GABPB1: variants seen among roughly 807,000 people sequenced by gnomAD.
GABPB1 encodes the protein GA binding protein transcription factor subunit beta 1.
Under a neutral mutation model 45.9 loss-of-function variants are expected in GABPB1, and 15 were observed. The ratio of observed to expected loss-of-function variants is 0.33; its 90% confidence interval spans 0.22 to 0.50. The LOEUF is 0.50. GABPB1 is among the 20% of genes least tolerant of loss of function. The pLI, the probability that GABPB1 is intolerant of heterozygous loss-of-function variation, is 0.98. For missense variants in GABPB1, 252 were observed against 457.5 expected (o/e 0.55, Z 4.10); for synonymous variants, 143 against 154.4 (o/e 0.93, Z 0.55).
At chr15:50,354,572 T>C (rs1373330790) in intron 1 of GABPB1, 5 of 448,680 alleles carry the variant, frequency 1.1e-5, no homozygotes, top group Non-Finnish European at 2.2e-5. Flanking sequence ...CCTTCCTCTT[T>C]CTCCCGCCCA....
intron 1 of GABPB1, among the ~76,000 whole-genome samples, chr15:50,321,286 T>C (rs545666415): frequency 1.1e-4 from 17 of 152,268 alleles, no homozygotes; most frequent in African/African-American, 4.1e-4. Flanking sequence ...ACTCCCACTA[T>C]CAGTGTACAA....
chr15:50,314,221 T>C (rs1409923509), intron 1 of GABPB1, among the ~76,000 whole-genome samples: 1 of 151,960 alleles, frequency 6.6e-6, no homozygotes, highest in Non-Finnish European at 1.5e-5. Context: ...TCTCGCTCTG[T>C]TGCCCAGGCT....
intron 1 of GABPB1, chr15:50,354,366 G>A: frequency 2.2e-6 from 1 of 451,312 alleles, no homozygotes; most frequent in East Asian, 7.3e-5. Context: ...CGCGGGACTG[G>A]CCAGGCTCTT....
intron 1 of GABPB1, chr15:50,354,266 GGGGCA>G: frequency 2.7e-6 from 1 of 370,236 alleles, no homozygotes. Context: ...CGAAGTCTTT[GGGGCA>G]GAAGTCCCGA....
chr15:50,287,819 A>ATCAGCAGAAGATT (rs1476938008), intron 7 of GABPB1, among the ~76,000 whole-genome samples: 1 of 152,224 alleles, frequency 6.6e-6, no homozygotes, highest in Non-Finnish European at 1.5e-5. Flanking sequence ...CAGACCAGCT[A>ATCAGCAGAAGATT]TCAGCAGAAG....
At chr15:50,290,665 T>C (rs2046315646) in intron 6 of GABPB1, among the ~76,000 whole-genome samples, 1 of 152,154 alleles carries the variant, frequency 6.6e-6, no homozygotes, top group African/African-American at 2.4e-5. Flanking sequence ...TATGTGTGAG[T>C]TGACATACAG....
At position 50,354,495 on chromosome 15, in the gene GABPB1, G is replaced by A. The variant is rs577762378; in HGVS notation, c.-1+490C>T. ...CCCGTTCCCCTCTCCGGAGAGCCCG[G>A]CGGGGCCGTCAGGCTGCCGAGACAA... On this transcript the variant is annotated intron_variant, in intron 1 of 8. Coordinates refer to ENST00000380877, the MANE Select transcript of GABPB1 (RefSeq NM_016654.5). The A allele has an allele frequency of 2.0e-4, 90 of 449,032 alleles. 1 individual carries two copies. The highest frequency in any genetic ancestry group is 1.8e-3 in the African/African-American group (89 of 48,390). The allele number at this position is 449,032 out of a possible 1,614,324, so 27.8% of individuals were successfully genotyped here.
intron 1 of GABPB1, among the ~76,000 whole-genome samples, chr15:50,318,484 C>T: frequency 6.6e-6 from 1 of 151,846 alleles, no homozygotes; most frequent in East Asian, 1.9e-4. Context: ...TCCCATATAC[C>T]CCTTTTTCAG....
At chr15:50,336,545 T>A (rs1407607410) in intron 1 of GABPB1, among the ~76,000 whole-genome samples, 1 of 151,714 alleles carries the variant, frequency 6.6e-6, no homozygotes, top group Non-Finnish European at 1.5e-5. Context: ...TAGCCAGGCA[T>A]GGTGGCACAC....
At chr15:50,337,952 T>C (rs1355182357) in intron 1 of GABPB1, among the ~76,000 whole-genome samples, 2 of 152,178 alleles carry the variant, frequency 1.3e-5, no homozygotes, top group Non-Finnish European at 2.9e-5. Context: ...GTAGTATGGA[T>C]AAATGAGAAC....
intron 1 of GABPB1, chr15:50,354,462 C>T (rs537925296): frequency 6.0e-5 from 27 of 446,630 alleles, no homozygotes; most frequent in African/African-American, 5.4e-4. Context: ...GACCCGCCAC[C>T]CTCGCCGCCC....
intron 7 of GABPB1, among the ~76,000 whole-genome samples, chr15:50,288,358 C>G (rs1250833869): frequency 6.6e-6 from 1 of 152,148 alleles, no homozygotes; most frequent in Non-Finnish European, 1.5e-5. Context: ...ACTACTAGCC[C>G]TAGTCATTTT....
At chr15:50,285,955 G>T in intron 8 of GABPB1, 113 bp downstream of exon 8, 1 of 1,454,660 alleles carries the variant, frequency 6.9e-7, no homozygotes, top group Non-Finnish European at 9.1e-7. Flanking sequence ...AAAATACTAC[G>T]CACTTTCATT....
rs2045838184 is a variant in GABPB1 at position 50,276,293 on chromosome 15, C to T, written c.*2339G>A. ...AGCACTATTGAGAATGACTAGAATG[C>T]AAAGCTTTTACAGCCCACCTGAAAA... On this transcript the variant is annotated 3_prime_UTR_variant, in exon 9 of 9. Transcript: ENST00000380877. 6.6e-6 allele frequency: 1 copy of T among 152,150 alleles called. No homozygotes were observed. Among genetic ancestry groups the T allele is most frequent in the Non-Finnish European group, 1.5e-5 (1 of 68,036 alleles). The allele number at this position is 152,150 out of a possible 1,614,324, so 9.4% of individuals were successfully genotyped here.
At chr15:50,345,804 C>T (rs1194273693) in intron 1 of GABPB1, among the ~76,000 whole-genome samples, 1 of 151,946 alleles carries the variant, frequency 6.6e-6, no homozygotes, top group Non-Finnish European at 1.5e-5. Context: ...CTCCGCCTCC[C>T]GGGTACACGC....
chr15:50,342,526 C>T (rs2048414210), intron 1 of GABPB1, among the ~76,000 whole-genome samples: 1 of 152,186 alleles, frequency 6.6e-6, no homozygotes, highest in African/African-American at 2.4e-5. Context: ...AAATATTTCA[C>T]AAACTGAAAA....
chr15:50,354,427 CG>C (rs757358904), intron 1 of GABPB1: 19 of 451,298 alleles, frequency 4.2e-5, no homozygotes, highest in African/African-American at 3.7e-4. Flanking sequence ...GAGCGCCTCT[CG>C]GCCCCGCAGC....
intron 1 of GABPB1, among the ~76,000 whole-genome samples, chr15:50,340,131 C>T (rs539521787): frequency 6.6e-6 from 1 of 152,290 alleles, no homozygotes; most frequent in East Asian, 1.9e-4. Context: ...ACTGCTTTGT[C>T]CCTTCACCAT....
intron 1 of GABPB1, among the ~76,000 whole-genome samples, chr15:50,328,578 T>G (rs544115805): frequency 6.6e-6 from 1 of 152,298 alleles, no homozygotes; most frequent in East Asian, 1.9e-4. Context: ...CACATCTTTT[T>G]TGGATCACTT....
Sources: allele counts gnomAD v4.1 joint callset (sites outside exome capture counted in the v4.1 genomes callset), GRCh38; gene constraint gnomAD v4.1.1; transcripts MANE v1.5; gene names NCBI Gene and HGNC (gene_info 2026-07-23, HGNC 2026-07-21).